The following RAP1GDS1 variants were observed in gnomAD, a reference collection of about 807,000 sequenced individuals.
The protein encoded by RAP1GDS1 is RAP1, GTP-GDP dissociation stimulator 1.
RAP1GDS1 carries 35 observed loss-of-function variants against 71.1 expected under a neutral mutation model. That is an observed-to-expected ratio of 0.49 (90% confidence interval 0.38 to 0.65). The LOEUF (loss-of-function observed/expected upper bound fraction) is 0.65. Among genes scored for constraint, RAP1GDS1 ranks in the 30% least tolerant of loss-of-function variants. RAP1GDS1 has a pLI of 0.00. For synonymous variants in RAP1GDS1, 229 were observed against 243.1 expected, an observed-to-expected ratio of 0.94 and a Z score of 0.54; for missense variants, 663 against 706.1, an observed-to-expected ratio of 0.94 and a Z score of 0.69.
intron 1 of RAP1GDS1, among the ~76,000 whole-genome samples, chr4:98,283,662 C>G (rs1355083510): frequency 6.6e-6 from 1 of 152,026 alleles, no homozygotes; most frequent in Non-Finnish European, 1.5e-5. Flanking sequence ...GCTTCTTGGA[C>G]ATATATAAGT....
chr4:98,413,044 G>A (rs531080216), intron 7 of RAP1GDS1, among the ~76,000 whole-genome samples: 5 of 152,028 alleles, frequency 3.3e-5, no homozygotes, highest in African/African-American at 9.7e-5. Context: ...GCAGAGAACC[G>A]GTCTGACCTC....
chr4:98,262,053 A>G (rs1365656716), intron 1 of RAP1GDS1, among the ~76,000 whole-genome samples: 1 of 152,192 alleles, frequency 6.6e-6, no homozygotes, highest in Non-Finnish European at 1.5e-5. Flanking sequence ...CGGGCGGGGA[A>G]GTGGAAGCAA....
At chr4:98,325,092 C>T (rs1173175739) in intron 2 of RAP1GDS1, among the ~76,000 whole-genome samples, 1 of 151,678 alleles carries the variant, frequency 6.6e-6, no homozygotes, top group Non-Finnish European at 1.5e-5. Flanking sequence ...ACAAACAACC[C>T]CATCAAAAAG....
At chr4:98,277,885 G>A (rs10029454) in intron 1 of RAP1GDS1, among the ~76,000 whole-genome samples, 21,669 of 152,210 alleles carry the variant, frequency 0.14, 2,259 homozygotes, top group African/African-American at 0.29. Context: ...TTGTTAAGGA[G>A]ATTTTAGAAA....
intron 7 of RAP1GDS1, among the ~76,000 whole-genome samples, chr4:98,408,106 T>TATA (rs1560973689): frequency 1.7e-5 from 2 of 118,940 alleles, no homozygotes; most frequent in Admixed American, 7.8e-5. Context: ...ATATATATAT[T>TATA]TTTTTTTTTC....
chr4:98,417,400 A>G lies in RAP1GDS1; in HGVS notation c.941A>G (p.Lys314Arg). The stretch of plus-strand genomic sequence containing the variant: ...ATGCAGAAGTTATTTGAAGGAGGAA[A>G]AGGTAGTGTATTTCAAAGGGTACTC... ...ESMQKLFEGG[K>R]GSVFQRVLSW... Residue 314 changes from lysine to arginine, a missense_variant, in exon 9 of 15, where the codon AAA becomes AGA. Transcript: ENST00000408927. 6.2e-7 allele frequency: 1 copy of G among 1,612,886 alleles called. No individual in the cohort carries two copies. The highest frequency in any genetic ancestry group is 8.5e-7 in the Non-Finnish European group (1 of 1,179,004).
intron 1 of RAP1GDS1, among the ~76,000 whole-genome samples, chr4:98,271,006 A>G (rs1723377380): frequency 6.6e-6 from 1 of 152,138 alleles, no homozygotes; most frequent in African/African-American, 2.4e-5. Flanking sequence ...AACATACATA[A>G]TATGTGTTAA....
chr4:98,281,139 C>T (rs1313207541), intron 1 of RAP1GDS1, among the ~76,000 whole-genome samples: 1 of 151,328 alleles, frequency 6.6e-6, no homozygotes, highest in Admixed American at 6.6e-5. Context: ...TTTTCCAATT[C>T]TGTGAAGAAA....
At chr4:98,323,728 C>A (rs1045363555) in intron 2 of RAP1GDS1, among the ~76,000 whole-genome samples, 5 of 149,788 alleles carry the variant, frequency 3.3e-5, no homozygotes, top group African/African-American at 1.2e-4. Context: ...AACAACCCTT[C>A]ATGCTAAAAA....
At chr4:98,404,210 CTA>C (rs1301719815) in intron 6 of RAP1GDS1, among the ~76,000 whole-genome samples, 1 of 152,084 alleles carries the variant, frequency 6.6e-6, no homozygotes, top group African/African-American at 2.4e-5. Flanking sequence ...ATCCTTAAAA[CTA>C]TGAATTTATG....
At chr4:98,401,365 T>C (rs1745380847) in intron 6 of RAP1GDS1, among the ~76,000 whole-genome samples, 1 of 152,086 alleles carries the variant, frequency 6.6e-6, no homozygotes, top group South Asian at 2.1e-4. Flanking sequence ...AAATTACATA[T>C]AATTAGAAAG....
At chr4:98,331,157 G>T (rs866760866) in intron 2 of RAP1GDS1, among the ~76,000 whole-genome samples, 1 of 152,202 alleles carries the variant, frequency 6.6e-6, no homozygotes, top group African/African-American at 2.4e-5. Context: ...CCAGTCAGGC[G>T]TGGCGGCATG....
At chr4:98,292,116 A>AT (rs570803697) in intron 1 of RAP1GDS1, among the ~76,000 whole-genome samples, 221 of 144,242 alleles carry the variant, frequency 1.5e-3, no homozygotes, top group African/African-American at 4.5e-3. Flanking sequence ...CATTATGGAG[A>AT]TTTTTTTTTT....
At chr4:98,323,048 G>C (rs541233941) in intron 2 of RAP1GDS1, among the ~76,000 whole-genome samples, 1 of 151,964 alleles carries the variant, frequency 6.6e-6, no homozygotes, top group African/African-American at 2.4e-5. Flanking sequence ...GAAAAAAAGA[G>C]AGAAGAATCA....
chr4:98,262,447 C>A (rs1254869012), intron 1 of RAP1GDS1, among the ~76,000 whole-genome samples: 1 of 152,136 alleles, frequency 6.6e-6, no homozygotes, highest in East Asian at 1.9e-4. Flanking sequence ...TTTTATAAAA[C>A]GATATATACA....
At chr4:98,347,963 A>G (rs1736543177) in intron 3 of RAP1GDS1, among the ~76,000 whole-genome samples, 1 of 152,122 alleles carries the variant, frequency 6.6e-6, no homozygotes, top group African/African-American at 2.4e-5. Flanking sequence ...TTTTAAACAT[A>G]TTCTTTTTTA....
chr4:98,424,373 A>T (rs1199032283), intron 12 of RAP1GDS1, among the ~76,000 whole-genome samples: 1 of 152,176 alleles, frequency 6.6e-6, no homozygotes, highest in Non-Finnish European at 1.5e-5. Context: ...CATAAAATGC[A>T]CTAACACTAA....
At chr4:98,425,375 A>G (rs1347562980) in intron 12 of RAP1GDS1, among the ~76,000 whole-genome samples, 1 of 152,220 alleles carries the variant, frequency 6.6e-6, no homozygotes. Context: ...TGAATGGAAT[A>G]GTACCTCACA....
intron 2 of RAP1GDS1, among the ~76,000 whole-genome samples, chr4:98,316,670 G>T (rs1432859469): frequency 6.6e-6 from 1 of 152,090 alleles, no homozygotes; most frequent in Non-Finnish European, 1.5e-5. Context: ...TTGAATGAAG[G>T]CAGAAGACAA....
Sources: allele counts gnomAD v4.1 joint callset (sites outside exome capture counted in the v4.1 genomes callset), GRCh38; gene constraint gnomAD v4.1.1; transcripts MANE v1.5; gene names NCBI Gene and HGNC (gene_info 2026-07-23, HGNC 2026-07-21).